Variants in PPFIA2 observed in about 807,000 individuals in gnomAD.
The protein encoded by PPFIA2 is liprin-alpha-2.
A neutral mutation model predicts 175.5 loss-of-function variants in PPFIA2; 46 were observed. The ratio of observed to expected loss-of-function variants is 0.26; its 90% CI spans 0.21 to 0.34. The LOEUF (loss-of-function observed/expected upper bound fraction) is 0.34, where lower values mean the gene tolerates loss of function less well. PPFIA2 is among the 10% of genes least tolerant of loss of function. The pLI, the probability that PPFIA2 is intolerant of heterozygous loss-of-function variation, is 1.00. For synonymous variants in PPFIA2, 568 were observed against 511.4 expected (o/e 1.11, Z -1.49); for missense variants, 1,179 against 1,506.1 (o/e 0.78, Z 3.60).
intron 17 of PPFIA2, among the ~76,000 whole-genome samples, chr12:81,352,646 T>C (rs1358349892): frequency 6.6e-6 from 1 of 152,074 alleles, no homozygotes; most frequent in African/African-American, 2.4e-5. Flanking sequence ...AAAAGAATGG[T>C]AAATTAATTT....
intron 4 of PPFIA2, among the ~76,000 whole-genome samples, chr12:81,513,498 C>A (rs528540202): frequency 6.6e-6 from 1 of 152,054 alleles, no homozygotes; most frequent in South Asian, 2.1e-4. Context: ...ATGGAACCAA[C>A]CTAAGTTCCC....
At chr12:81,538,461 G>A (rs950988632) in intron 4 of PPFIA2, among the ~76,000 whole-genome samples, 3 of 151,828 alleles carry the variant, frequency 2.0e-5, no homozygotes, top group African/African-American at 7.3e-5. Flanking sequence ...TATGTTTTAT[G>A]TAACAGAGAG....
At chr12:81,410,974 A>G (rs1431001684) in intron 7 of PPFIA2, among the ~76,000 whole-genome samples, 4 of 152,070 alleles carry the variant, frequency 2.6e-5, no homozygotes, top group African/African-American at 9.7e-5. Context: ...CATTTTAGTA[A>G]TATGATCCAA....
chr12:81,732,892 C>A (rs1001596360), intron 3 of PPFIA2, among the ~76,000 whole-genome samples: 1 of 151,256 alleles, frequency 6.6e-6, no homozygotes, highest in African/African-American at 2.4e-5. Flanking sequence ...TACAAGGAAA[C>A]AACTTCCAAG....
At chr12:81,629,105 G>C (rs1383948186) in intron 4 of PPFIA2, among the ~76,000 whole-genome samples, 1 of 152,048 alleles carries the variant, frequency 6.6e-6, no homozygotes, top group Non-Finnish European at 1.5e-5. Context: ...ATCACAATGA[G>C]AAATGAACAT....
At chr12:81,275,958 G>C (rs924926192) in intron 28 of PPFIA2, among the ~76,000 whole-genome samples, 2 of 151,554 alleles carry the variant, frequency 1.3e-5, no homozygotes, top group African/African-American at 4.8e-5. Context: ...CTAATTTTTT[G>C]TATTTTTAGT....
At chr12:81,710,831 T>C (rs567394761) in intron 3 of PPFIA2, among the ~76,000 whole-genome samples, 14 of 151,556 alleles carry the variant, frequency 9.2e-5, no homozygotes, top group Non-Finnish European at 1.9e-4. Context: ...CAAAAAGTTT[T>C]GGGTGTTGGA....
At chr12:81,742,027 G>C (rs1054931041) in intron 3 of PPFIA2, among the ~76,000 whole-genome samples, 4 of 152,120 alleles carry the variant, frequency 2.6e-5, no homozygotes, top group African/African-American at 9.7e-5. Flanking sequence ...AGCCTAGAGA[G>C]CAGCCGCAGC....
At chr12:81,265,277 GA>G (rs2036894312) in intron 30 of PPFIA2, among the ~76,000 whole-genome samples, 1 of 106,488 alleles carries the variant, frequency 9.4e-6, no homozygotes, top group Admixed American at 1.3e-4. Flanking sequence ...TGGGCAACAA[GA>G]GCGAAACTCT....
chr12:81,516,153 T>C (rs958067167), intron 4 of PPFIA2, among the ~76,000 whole-genome samples: 3 of 152,130 alleles, frequency 2.0e-5, no homozygotes, highest in African/African-American at 7.2e-5. Context: ...ATTAGTTTTA[T>C]CATTTCTAAG....
At chr12:81,651,693 C>G (rs1042142890) in intron 4 of PPFIA2, among the ~76,000 whole-genome samples, 3 of 152,030 alleles carry the variant, frequency 2.0e-5, no homozygotes, top group Non-Finnish European at 2.9e-5. Context: ...CAAGTTTATT[C>G]TTACAGATGA....
intron 7 of PPFIA2, among the ~76,000 whole-genome samples, chr12:81,406,343 G>T (rs565362434): frequency 1.3e-5 from 2 of 151,966 alleles, no homozygotes; most frequent in Middle Eastern, 3.4e-3. Context: ...CAGCAATTTC[G>T]CCTACACTGA....
chr12:81,672,397 A>G (rs1389171704), intron 4 of PPFIA2, among the ~76,000 whole-genome samples: 1 of 151,964 alleles, frequency 6.6e-6, no homozygotes, highest in Non-Finnish European at 1.5e-5. Flanking sequence ...ATTGTTTTAA[A>G]TTCTGTGGTG....
intron 4 of PPFIA2, among the ~76,000 whole-genome samples, chr12:81,630,899 ATT>A (rs56990168): frequency 0.38 from 40,263 of 105,756 alleles, 7,757 homozygotes; most frequent in African/African-American, 0.61. Flanking sequence ...ATATATATAT[ATT>A]TTTTTTTTTT....
chr12:81,553,211 G>A (rs572621209), intron 4 of PPFIA2, among the ~76,000 whole-genome samples: 2 of 151,716 alleles, frequency 1.3e-5, no homozygotes, highest in Admixed American at 6.6e-5. Context: ...AGATAAATAA[G>A]GGAAATAAAT....
intron 4 of PPFIA2, among the ~76,000 whole-genome samples, chr12:81,572,653 C>A (rs1456886039): frequency 6.6e-6 from 1 of 151,958 alleles, no homozygotes; most frequent in East Asian, 1.9e-4. Context: ...CCTGCAGCAA[C>A]CTGGAGTTAT....
intron 4 of PPFIA2, among the ~76,000 whole-genome samples, chr12:81,632,173 T>C (rs1378181499): frequency 6.6e-6 from 1 of 152,146 alleles, no homozygotes; most frequent in Non-Finnish European, 1.5e-5. Context: ...TTTAAGTATT[T>C]TGTAGACCAT....
chr12:81,311,974 T>C, intron 22 of PPFIA2: 1 of 588,528 alleles, frequency 1.7e-6, no homozygotes, highest in African/African-American at 1.9e-5. Context: ...TTAATTAAAA[T>C]GTGAACATTT....
chr12:81,551,295 A>G (rs2067878433), intron 4 of PPFIA2, among the ~76,000 whole-genome samples: 1 of 151,984 alleles, frequency 6.6e-6, no homozygotes, highest in Admixed American at 6.6e-5. Context: ...TATATGTTTT[A>G]CTATCAGGTG....
Sources: allele counts gnomAD v4.1 joint callset (sites outside exome capture counted in the v4.1 genomes callset), GRCh38; gene constraint gnomAD v4.1.1; transcripts MANE v1.5; gene names NCBI Gene and HGNC (gene_info 2026-07-23, HGNC 2026-07-21).